Variants in MYCBP2 observed in about 807,000 individuals in gnomAD.
The protein encoded by MYCBP2 is MYC binding protein 2.
A neutral mutation model predicts 525.3 loss-of-function variants in MYCBP2; 120 were observed. The ratio of observed to expected loss-of-function variants is 0.23; its 90% CI spans 0.20 to 0.27. MYCBP2 has a LOEUF of 0.27. Ranked by LOEUF, MYCBP2 falls within the 10% of genes least tolerant of loss-of-function variation. MYCBP2 has a pLI of 1.00. For missense variants in MYCBP2, 4,149 were observed against 5,657.1 expected (o/e 0.73, Z 8.55); for synonymous variants, 1,894 against 1,955.8 (o/e 0.97, Z 0.83).
chr13:77,127,160 AC>A (rs1189402646), intron 52 of MYCBP2, among the ~76,000 whole-genome samples: 2 of 152,040 alleles, frequency 1.3e-5, no homozygotes, highest in Non-Finnish European at 2.9e-5. Context: ...ACAAATAAAA[AC>A]GTCTTGCTAG....
chr13:77,251,043 G>T, intron 15 of MYCBP2, 108 bp downstream of exon 15: 1 of 824,500 alleles, frequency 1.2e-6, no homozygotes, highest in Non-Finnish European at 1.8e-6. Flanking sequence ...AAGTGAAGAT[G>T]CCACTGGTCT....
chr13:77,243,125 G>A lies in MYCBP2; in HGVS notation c.2563C>T (p.Leu855Phe), dbSNP rs1295478487. The A allele has an allele frequency of 1.9e-6, 3 of 1,613,882 alleles. No individual in the cohort carries two copies. The highest frequency in any genetic ancestry group is 2.5e-6 in the Non-Finnish European group (3 of 1,179,976). ...CGTTTTTCTTCTTGTCGTAACTGAA[G>A]GTGTTCTTCAATGTTAACCCCGGGC... ...PVPGVNIEEH[L>F]QLRQEEKRQR... The change falls in exon 17 of 83, where the codon CTT (leucine) becomes TTT (phenylalanine). Residue 855 changes from leucine to phenylalanine, a missense_variant. Coordinates refer to ENST00000544440, the MANE Select transcript of MYCBP2 (RefSeq NM_015057.5).
At chr13:77,148,220 G>C (rs2055918655) in intron 47 of MYCBP2, among the ~76,000 whole-genome samples, 1 of 151,900 alleles carries the variant, frequency 6.6e-6, no homozygotes, top group Admixed American at 6.6e-5. Context: ...ATTTATTTCG[G>C]ATATAGAATT....
chr13:77,172,205 A>ATT (rs1011395491), intron 37 of MYCBP2, among the ~76,000 whole-genome samples: 1 of 145,510 alleles, frequency 6.9e-6, no homozygotes, highest in Non-Finnish European at 1.5e-5. Context: ...GCTGACCTGA[A>ATT]TTTTTTTTTT....
At chr13:77,167,325 T>C (rs926421350) in intron 40 of MYCBP2, among the ~76,000 whole-genome samples, 5 of 152,054 alleles carry the variant, frequency 3.3e-5, no homozygotes, top group Admixed American at 6.6e-5. Context: ...ATCAAACATA[T>C]AAAGGGAGCC....
intron 18 of MYCBP2, among the ~76,000 whole-genome samples, chr13:77,228,691 TTGTGTGTGTGTGTGTGTGTG>T (rs34441629): frequency 6.8e-6 from 1 of 147,186 alleles, no homozygotes; most frequent in Admixed American, 6.8e-5. Context: ...GATGAATATG[TTGTGTGTGTGTGTGTGTGTG>T]TGTGTGTGTG....
At chr13:77,254,492 G>A (rs1156763448) in intron 14 of MYCBP2, among the ~76,000 whole-genome samples, 1 of 151,556 alleles carries the variant, frequency 6.6e-6, no homozygotes, top group Non-Finnish European at 1.5e-5. Flanking sequence ...CTTTACGTTC[G>A]TTTTAAATTG....
chr13:77,169,359 G>A (rs1324058586), intron 39 of MYCBP2, among the ~76,000 whole-genome samples: 2 of 136,232 alleles, frequency 1.5e-5, no homozygotes, highest in Admixed American at 1.7e-4. Context: ...TCGCGCCACA[G>A]CACTCCCGCC....
rs749529372 is a variant in MYCBP2 at position 77,098,770 on chromosome 13, A to C, written c.8384T>G (p.Leu2795Trp). 18 of 1,613,408 alleles carry C rather than the reference A, an allele frequency of 1.1e-5. No individual in the cohort carries two copies. The highest frequency in any genetic ancestry group is 1.4e-5 in the Non-Finnish European group (17 of 1,179,736). The change falls in exon 56 of 83, where the codon TTG becomes TGG. Residue 2795 changes from leucine (L) to tryptophan (W), a missense_variant. Leu to Trp is a moderately conservative substitution (Grantham distance 61). Coordinates refer to ENST00000544440, the MANE Select transcript of MYCBP2 (RefSeq NM_015057.5). ...SRSLSPNHNTLQTLKSDGRMP... is the reference protein window; with the variant it reads ...SRSLSPNHNTWQTLKSDGRMP... ...CCTCCCATCAGATTTCAATGTCTGCAAGGTGTTATGGTTGGGGGATAATGA... is the reference window on the plus strand; with the variant it reads ...CCTCCCATCAGATTTCAATGTCTGCCAGGTGTTATGGTTGGGGGATAATGA...
chr13:77,138,205 G>A (rs1409721199), intron 52 of MYCBP2, among the ~76,000 whole-genome samples: 1 of 152,032 alleles, frequency 6.6e-6, no homozygotes, highest in East Asian at 1.9e-4. Flanking sequence ...CTTGCTCTCT[G>A]TCTATATACA....
Position 77,078,839 on chromosome 13 carries a change from C to A in MYCBP2, c.11469G>T (p.Leu3823Phe), listed in dbSNP as rs111247542. 1 of 1,613,580 alleles carries A rather than the reference C, an allele frequency of 6.2e-7. No individual in the cohort carries two copies. Residue 3823 changes from leucine (L) to phenylalanine (F), a missense_variant, in exon 66 of 83, where the codon TTG (leucine) becomes TTT (phenylalanine). Around this residue, in one of 21 missense-constraint regions of MYCBP2, gnomAD observed 509 missense variants for 789.4 expected, o/e 0.64. Transcript: ENST00000544440. The stretch of plus-strand genomic sequence containing the variant: ...TTTCAATTACCTGCTTTATTCTGCA[C>A]AAATCTTCTACTGCTTTGCCAGTTA... ...TFLTGKAVED[L>F]CRIKQVDLDS...
chr13:77,321,816 G>A (rs998642532), intron 1 of MYCBP2, among the ~76,000 whole-genome samples: 1 of 152,166 alleles, frequency 6.6e-6, no homozygotes, highest in Non-Finnish European at 1.5e-5. Context: ...CTCAAGTCTA[G>A]AATTTGTGTC....
chr13:77,053,885 A>G (rs2037333422), intron 80 of MYCBP2, among the ~76,000 whole-genome samples: 1 of 152,156 alleles, frequency 6.6e-6, no homozygotes, highest in Non-Finnish European at 1.5e-5. Flanking sequence ...TAGTAAGTGC[A>G]AAGTACTAGA....
intron 1 of MYCBP2, among the ~76,000 whole-genome samples, chr13:77,313,082 CAAT>C (rs2080469109): frequency 6.6e-6 from 1 of 151,638 alleles, no homozygotes. Flanking sequence ...AAAGTAATAA[CAAT>C]AATATATTAA....
At chr13:77,294,135 T>TATATATATATAC (rs2077905011) in intron 2 of MYCBP2, among the ~76,000 whole-genome samples, 2 of 116,100 alleles carry the variant, frequency 1.7e-5, no homozygotes, top group African/African-American at 5.7e-5. Context: ...TATATACATA[T>TATATATATATAC]ATATATACAT....
chr13:77,183,768 G>A (rs180850480), intron 32 of MYCBP2, among the ~76,000 whole-genome samples: 2 of 151,654 alleles, frequency 1.3e-5, no homozygotes, highest in Admixed American at 6.6e-5. Context: ...GGCTGGTCTC[G>A]AACTCCTGAC....
In MYCBP2 at chr13:77,212,015, G is replaced by A. The variant is rs1417823063; in HGVS notation, c.3203C>T (p.Ala1068Val). Residue 1068 changes from alanine (A) to valine (V), a missense_variant, in exon 22 of 83, where the codon GCA becomes GTA. Around this residue, in one of 21 missense-constraint regions of MYCBP2, gnomAD observed 620 missense variants for 795.5 expected, o/e 0.78. Coordinates refer to ENST00000544440, the MANE Select transcript of MYCBP2 (RefSeq NM_015057.5). ...AGCAAGTACATGAGAATTAATAAGT[G>A]CTTCATCAATTCGTAAAAAAGTTTG... ...GDQTFLRIDE[A>V]LINSHVLATS... 1 of 1,614,042 alleles carries A rather than the reference G, an allele frequency of 6.2e-7. No homozygotes were observed. The highest frequency in any genetic ancestry group is 8.5e-7 in the Non-Finnish European group (1 of 1,179,954).
At chr13:77,117,469 C>T (rs941766135) in intron 55 of MYCBP2, among the ~76,000 whole-genome samples, 1 of 152,028 alleles carries the variant, frequency 6.6e-6, no homozygotes. Context: ...AAAAACTAAA[C>T]CAGCTAGCAT....
Position 77,068,753 on chromosome 13 carries a change from T to G in MYCBP2, c.11983A>C (p.Lys3995Gln). 6.2e-7 allele frequency: 1 copy of G among 1,614,234 alleles called. No individual in the cohort carries two copies. The highest frequency in any genetic ancestry group is 1.1e-5 in the South Asian group (1 of 91,084). Residue 3995 changes from lysine (K) to glutamine (Q), a missense_variant, in exon 70 of 83, where the codon AAA becomes CAA. Lys to Gln is a moderately conservative substitution (Grantham distance 53). Coordinates refer to ENST00000544440, the MANE Select transcript of MYCBP2 (RefSeq NM_015057.5). The stretch of plus-strand genomic sequence containing the variant: ...TTTGGCTGAGAATTGGCATTTTCTT[T>G]GCTTGATATAGCATGTTCCCATTCT... ...REEWEHAISSKENANSQPNDE... is the reference protein window; with the variant it reads ...REEWEHAISSQENANSQPNDE...
Sources: gnomAD v4.1 joint callset for allele counts (sites outside exome capture counted in the v4.1 genomes callset) on GRCh38, gnomAD v4.1.1 for gene constraint, gnomAD v4.1.1 regional missense constraint, MANE v1.5 for transcripts, NCBI Gene and HGNC (gene_info 2026-07-23, HGNC 2026-07-21) for gene names.